The following C2orf92 variants were observed in gnomAD, a reference collection of about 807,000 sequenced individuals.
C2orf92 encodes the protein uncharacterized protein C2orf92.
At chr2:97,694,459 A>T (rs1322662325) in intron 5 of C2orf92, 1 of 139,650 alleles carries the variant, frequency 7.2e-6, no homozygotes, top group Admixed American at 7.4e-5. Flanking sequence ...ATGGGGTTTC[A>T]CTGTGTTAGC....
chr2:97,667,430 G>GTT (rs1203203673), upstream of C2orf92, among the ~76,000 whole-genome samples: 64 of 118,804 alleles, frequency 5.4e-4, 1 homozygote, highest in Non-Finnish European at 8.1e-4. Context: ...GCCCAGCTAA[G>GTT]TTTTTTTTTT....
intron 5 of C2orf92, chr2:97,694,681 A>G (rs1233256464): frequency 6.6e-6 from 1 of 152,130 alleles, no homozygotes; most frequent in African/African-American, 2.4e-5. Context: ...CTTGTGAATA[A>G]TCCTGTTATG....
In C2orf92 at chr2:97,672,173, G is replaced by A. The variant is rs1281904716; in HGVS notation, c.47-2283G>A. The A allele has an allele frequency of 2.0e-5, 3 of 151,884 alleles. No homozygotes were observed. The East Asian group carries it at 5.8e-4, about 29-fold the overall frequency. 9.4% of individuals were successfully genotyped at this position (151,884 alleles called of 1,614,324 possible). ...CTGTGCATCAGGAGTGAAGGTTGAG[G>A]GTCACCTTAGGTGTGAGAAGGAGCA... is the stretch of plus-strand genomic sequence containing the variant. On this transcript the variant is annotated intron_variant, in intron 1 of 7. Transcript: ENST00000627399.
chr2:97,688,331 G>A (rs1024832492), intron 3 of C2orf92, among the ~76,000 whole-genome samples: 8 of 152,092 alleles, frequency 5.3e-5, no homozygotes, highest in Admixed American at 4.6e-4. Context: ...AGTGGGCTTT[G>A]TGAGGGCTGT....
At chr2:97,696,607 A>G (rs986077237) in intron 5 of C2orf92, among the ~76,000 whole-genome samples, 5 of 152,084 alleles carry the variant, frequency 3.3e-5, no homozygotes, top group African/African-American at 1.2e-4. Flanking sequence ...GTGCTGGCGT[A>G]TCCCTGTAAT....
At chr2:97,694,044 A>G (rs1676224809) in intron 5 of C2orf92, among the ~76,000 whole-genome samples, 2 of 152,112 alleles carry the variant, frequency 1.3e-5, no homozygotes, top group Non-Finnish European at 1.5e-5. Flanking sequence ...CCAAAACTCT[A>G]TACTCATTAA....
intron 5 of C2orf92, among the ~76,000 whole-genome samples, chr2:97,691,828 C>T (rs1676148311): frequency 6.6e-6 from 1 of 152,154 alleles, no homozygotes; most frequent in Non-Finnish European, 1.5e-5. Context: ...GCAGAGGTTG[C>T]AGCGAGCTGA....
chr2:97,690,005 C>T (rs112892373), intron 4 of C2orf92, among the ~76,000 whole-genome samples: 2,811 of 152,118 alleles, frequency 0.018, 92 homozygotes, highest in African/African-American at 0.063. Flanking sequence ...GTGGCTCATG[C>T]CTGTAGTCCC....
At chr2:97,694,884 G>A (rs535341141) in intron 5 of C2orf92, among the ~76,000 whole-genome samples, 1 of 152,212 alleles carries the variant, frequency 6.6e-6, no homozygotes, top group South Asian at 2.1e-4. Flanking sequence ...CCACATCCTC[G>A]CCAATTCCCT....
chr2:97,691,670 C>T (rs910223746), intron 5 of C2orf92, among the ~76,000 whole-genome samples: 4 of 152,192 alleles, frequency 2.6e-5, no homozygotes, highest in African/African-American at 9.7e-5. Context: ...CGGGCCGCAC[C>T]ATGCATCAGC....
intron 7 of C2orf92, among the ~76,000 whole-genome samples, chr2:97,701,505 T>G (rs1422756292): frequency 1.3e-5 from 2 of 152,214 alleles, no homozygotes; most frequent in Non-Finnish European, 2.9e-5. Flanking sequence ...GTGATTCTGA[T>G]GCACAGCCGG....
At chr2:97,687,783 C>T (rs930091441) in intron 3 of C2orf92, among the ~76,000 whole-genome samples, 2 of 150,148 alleles carry the variant, frequency 1.3e-5, no homozygotes, top group Non-Finnish European at 3.0e-5. Flanking sequence ...CTCCTCCCCA[C>T]GGGAGCCATC....
chr2:97,679,571 G>C (rs1045282902), intron 3 of C2orf92, among the ~76,000 whole-genome samples: 5 of 152,092 alleles, frequency 3.3e-5, no homozygotes, highest in African/African-American at 1.2e-4. Context: ...GCCAGGCAGG[G>C]TGGCTTATGC....
At position 97,689,989 on chromosome 2, in the gene C2orf92, GC is replaced by G. The variant is rs1412503438; in HGVS notation, c.332-265del. On this transcript the variant is annotated intron_variant, in intron 4 of 7. Coordinates refer to ENST00000627399, the MANE Select transcript of C2orf92 (RefSeq NM_001351368.2). ...ACTAAAAATACAAAAAAATTAGCCAGCCATGGTGGCTCATGCCTGTAGTCCC... is the reference window on the plus strand; with the variant it reads ...ACTAAAAATACAAAAAAATTAGCCAGCATGGTGGCTCATGCCTGTAGTCCC... 3.3e-5 allele frequency among the ~76,000 whole-genome samples: 5 copies of G among 152,172 alleles called. No homozygotes were observed. The East Asian group carries it at 9.7e-4, about 29-fold the overall frequency.
At chr2:97,692,700 A>C (rs1676177485) in intron 5 of C2orf92, among the ~76,000 whole-genome samples, 1 of 152,182 alleles carries the variant, frequency 6.6e-6, no homozygotes. Flanking sequence ...ATGAGCCACC[A>C]TGCCCAGCCA....
chr2:97,688,857 G>A lies in C2orf92; in HGVS notation c.233-38G>A, dbSNP rs111758259. On this transcript the variant is annotated intron_variant, in intron 3 of 7. Transcript: ENST00000627399. Reference sequence around the variant, plus strand: ...AGAGAGCAAAATATATCAATCCTGCGTTGCTGTATTAACATGCCTTTGTTT... The same window carrying A: ...AGAGAGCAAAATATATCAATCCTGCATTGCTGTATTAACATGCCTTTGTTT... The A allele has an allele frequency of 5.2e-3, 2,059 of 398,520 alleles. 7 individuals are homozygous for A. Among genetic ancestry groups the A allele is most frequent in the East Asian group, 6.4e-3 (181 of 28,070 alleles). 24.7% of individuals were successfully genotyped at this position (398,520 alleles called of 1,614,324 possible).
intron 3 of C2orf92, among the ~76,000 whole-genome samples, chr2:97,678,286 A>G (rs1675648138): frequency 6.6e-6 from 1 of 152,122 alleles, no homozygotes; most frequent in African/African-American, 2.4e-5. Context: ...AAGAAAAAAA[A>G]AAAAGAAAAT....
At chr2:97,666,529 C>CA (rs34223345), upstream of C2orf92, among the ~76,000 whole-genome samples, 50,223 of 70,274 alleles carry the variant, frequency 0.71, 17,984 homozygotes, top group African/African-American at 0.76. Flanking sequence ...GACTCCGTCT[C>CA]AAAAAAAAAA....
intron 3 of C2orf92, among the ~76,000 whole-genome samples, chr2:97,685,624 G>A (rs749698416): frequency 4.0e-5 from 6 of 151,558 alleles, no homozygotes; most frequent in East Asian, 1.9e-4. Context: ...GGGCAGTGGC[G>A]CAATCTCGGA....
Sources: gnomAD v4.1 joint callset for allele counts (sites outside exome capture counted in the v4.1 genomes callset) on GRCh38, gnomAD v4.1.1 for gene constraint, MANE v1.5 for transcripts, NCBI Gene and HGNC (gene_info 2026-07-23, HGNC 2026-07-21) for gene names.